CAMTA1: variants seen among roughly 807,000 people sequenced by gnomAD.
The protein encoded by CAMTA1 is calmodulin-binding transcription activator 1.
A neutral mutation model predicts 170.9 loss-of-function variants in CAMTA1; 27 were observed. That is an observed-to-expected ratio of 0.16 (90% confidence interval 0.12 to 0.22). The LOEUF (loss-of-function observed/expected upper bound fraction) is 0.22. CAMTA1 is among the 10% of genes least tolerant of loss of function. CAMTA1 has a pLI of 1.00. For synonymous variants in CAMTA1, 833 were observed against 891.5 expected (o/e 0.93, Z 1.17); for missense variants, 1,619 against 2,217.2 (o/e 0.73, Z 5.42).
In CAMTA1 at chr1:7,673,550, TAG is replaced by T. The variant is rs2096079830; in HGVS notation, c.2779+2516_2779+2517del. Among the ~76,000 whole-genome samples the T allele has an allele frequency of 6.6e-6, 1 of 152,114 alleles. No homozygotes were observed. The highest frequency in any genetic ancestry group is 1.5e-5 in the Non-Finnish European group (1 of 68,016). On this transcript the variant is annotated intron_variant, in intron 10 of 22. Transcript: ENST00000303635. This position sits in a 1 kb window ranked among gnomAD's most constrained non-coding sequence, Gnocchi z 4.6. The stretch of plus-strand genomic sequence containing the variant: ...TTTCTGGGTCCCCAGAGATGGCAGG[TAG>T]AGTCTCTGCCCAGGCCACTCACCCT...
chr1:6,940,912 A>AG, intron 3 of CAMTA1, among the ~76,000 whole-genome samples: 2 of 2,736 alleles, frequency 7.3e-4, no homozygotes, highest in Non-Finnish European at 1.6e-3. Context: ...GCTCACAGGC[A>AG]GGGGATCCTC....
In CAMTA1 at chr1:7,457,991, G is replaced by C. The variant is rs558766417; in HGVS notation, c.439-9839G>C. 1.3e-3 allele frequency among the ~76,000 whole-genome samples: 192 copies of C among 152,314 alleles called. 1 individual carries two copies. Among genetic ancestry groups the C allele is most frequent in the African/African-American group, 4.3e-3 (179 of 41,574 alleles). The stretch of plus-strand genomic sequence containing the variant: ...GCACTTTCTGCCTCATGATGGGGTG[G>C]GGCGCCCACGTGTCCTGCGCCTGCC... On this transcript the variant is annotated intron_variant, in intron 5 of 22. Coordinates refer to ENST00000303635, the MANE Select transcript of CAMTA1 (RefSeq NM_015215.4).
chr1:7,318,107 C>T (rs1171282728), intron 5 of CAMTA1, among the ~76,000 whole-genome samples: 1 of 152,184 alleles, frequency 6.6e-6, no homozygotes, highest in African/African-American at 2.4e-5. Flanking sequence ...GCCCAGTGTG[C>T]CAGTGCAGAA....
chr1:7,247,857 T>A (rs563197285), intron 4 of CAMTA1, among the ~76,000 whole-genome samples: 4 of 152,248 alleles, frequency 2.6e-5, no homozygotes, highest in African/African-American at 4.8e-5. Context: ...AAGTGAATTG[T>A]AAGGTTTCCA....
rs373765761 is a variant in CAMTA1, at chr1:7,353,018, A to G, written c.438+103392A>G. Among the ~76,000 whole-genome samples the G allele has an allele frequency of 3.7e-4, 56 of 152,332 alleles. 1 individual carries two copies. The highest frequency in any genetic ancestry group is 1.3e-3 in the African/African-American group (54 of 41,578). On this transcript the variant is annotated intron_variant, in intron 5 of 22. Coordinates refer to ENST00000303635, the MANE Select transcript of CAMTA1 (RefSeq NM_015215.4). ...CCCAGGCTCTGCATGAGACACTCAG[A>G]GGCCATCGCCCTTGACCGCCTGGTG... is the stretch of plus-strand genomic sequence containing the variant.
At chr1:6,989,637 C>T (rs140027150) in intron 3 of CAMTA1, among the ~76,000 whole-genome samples, 3 of 152,016 alleles carry the variant, frequency 2.0e-5, no homozygotes, top group South Asian at 2.1e-4. Context: ...GTGGATGCCC[C>T]GGGCTTTAAA....
chr1:7,158,272 T>TGGC (rs1431784119), intron 4 of CAMTA1, among the ~76,000 whole-genome samples: 10 of 152,232 alleles, frequency 6.6e-5, no homozygotes, highest in African/African-American at 2.4e-4. Context: ...ATATGTTTCA[T>TGGC]TTATATCAAC....
intron 11 of CAMTA1, among the ~76,000 whole-genome samples, chr1:7,719,202 T>A (rs1004419657): frequency 1.3e-5 from 2 of 152,348 alleles, no homozygotes; most frequent in African/African-American, 4.8e-5. Context: ...AGTTGGCTCC[T>A]GCGTGGTGGA....
At chr1:7,753,853 G>A (rs2096914199) in intron 21 of CAMTA1, among the ~76,000 whole-genome samples, 1 of 152,318 alleles carries the variant, frequency 6.6e-6, no homozygotes, top group Non-Finnish European at 1.5e-5. Flanking sequence ...TAGCTAATGA[G>A]TAACATACCA....
intron 6 of CAMTA1, among the ~76,000 whole-genome samples, chr1:7,526,123 G>A (rs527282076): frequency 1.3e-5 from 2 of 152,178 alleles, no homozygotes; most frequent in East Asian, 1.9e-4. Flanking sequence ...GGACACCTAC[G>A]GGAAGGCTTC....
chr1:7,723,530 C>A (rs902327061), intron 11 of CAMTA1, among the ~76,000 whole-genome samples: 4 of 152,148 alleles, frequency 2.6e-5, no homozygotes, highest in African/African-American at 9.7e-5. Flanking sequence ...AACTTAGTTA[C>A]CCTCTTGTTG....
At chr1:7,471,896 C>T (rs1575500167) in intron 6 of CAMTA1, among the ~76,000 whole-genome samples, 1 of 152,166 alleles carries the variant, frequency 6.6e-6, no homozygotes, top group Non-Finnish European at 1.5e-5. Context: ...TCTCCGCCTG[C>T]CCCCGCAGGG....
At chr1:7,276,277 T>TCA (rs1353862356) in intron 5 of CAMTA1, among the ~76,000 whole-genome samples, 3 of 28,246 alleles carry the variant, frequency 1.1e-4, no homozygotes, top group Admixed American at 4.2e-4. Flanking sequence ...CTACACCTGA[T>TCA]CATATATATA....
intron 3 of CAMTA1, among the ~76,000 whole-genome samples, chr1:6,942,841 C>T (rs976354243): frequency 2.6e-5 from 4 of 152,254 alleles, no homozygotes; most frequent in East Asian, 3.9e-4. Context: ...GCAGCACGGC[C>T]AGACACGATG....
At chr1:7,491,010 G>A (rs2093695172) in intron 6 of CAMTA1, among the ~76,000 whole-genome samples, 1 of 152,210 alleles carries the variant, frequency 6.6e-6, no homozygotes, top group Non-Finnish European at 1.5e-5. Flanking sequence ...TTCTGTGAAT[G>A]TCATTTTCTT....
At chr1:7,342,097 A>G (rs2083876603) in intron 5 of CAMTA1, among the ~76,000 whole-genome samples, 1 of 152,224 alleles carries the variant, frequency 6.6e-6, no homozygotes, top group African/African-American at 2.4e-5. Flanking sequence ...GGCACACAGC[A>G]GTTTCCTCAT....
At chr1:6,802,209 A>G (rs1643933835) in intron 1 of CAMTA1, among the ~76,000 whole-genome samples, 1 of 152,100 alleles carries the variant, frequency 6.6e-6, no homozygotes, top group South Asian at 2.1e-4. Context: ...TTTTCCATTC[A>G]CATGTAGCTT....
chr1:6,897,843 A>AT (rs952104462), intron 3 of CAMTA1, among the ~76,000 whole-genome samples: 27 of 152,182 alleles, frequency 1.8e-4, no homozygotes, highest in Non-Finnish European at 2.9e-4. Flanking sequence ...ACTATTGTTC[A>AT]TTTCTTTTTT....
chr1:7,190,653 G>T (rs965004403), intron 4 of CAMTA1, among the ~76,000 whole-genome samples: 1 of 151,890 alleles, frequency 6.6e-6, no homozygotes, highest in African/African-American at 2.4e-5. Context: ...TATTACTTTT[G>T]TAATTTAAAA....
Sources: gnomAD v4.1 joint callset for allele counts (sites outside exome capture counted in the v4.1 genomes callset) on GRCh38, gnomAD v4.1.1 for gene constraint, Gnocchi (gnomAD v3.1) non-coding constraint, MANE v1.5 for transcripts, NCBI Gene and HGNC (gene_info 2026-07-23, HGNC 2026-07-21) for gene names.